MYO1G: variants seen among roughly 807,000 people sequenced by gnomAD.
MYO1G encodes the protein myosin IG, also known as unconventional myosin-Ig.
In MYO1G, 65 loss-of-function variants were observed where a neutral mutation model predicts 115.3. The observed-to-expected ratio is 0.56, with a 90% CI of 0.46 to 0.69. The LOEUF (loss-of-function observed/expected upper bound fraction) is 0.69. MYO1G is among the 30% of genes least tolerant of loss of function. The pLI is 0.00. For synonymous variants in MYO1G, 510 were observed against 552.6 expected (o/e 0.92, Z 1.08); for missense variants, 1,204 against 1,393.5 (o/e 0.86, Z 2.16).
intron 7 of MYO1G, 95 bp downstream of exon 7, chr7:44,971,578 C>T: frequency 1.2e-6 from 1 of 855,728 alleles, no homozygotes; most frequent in Admixed American, 2.3e-5. Flanking sequence ...ATTGCTGGGG[C>T]ATCTCCAGCC....
At position 44,969,070 on chromosome 7, in the gene MYO1G, C is replaced by A. The variant is rs1328066473; in HGVS notation, c.1574+343G>T. ...GCTTGTTAGAAATGCAGAATCTTGG[C>A]CCCCCTGCACCTTCCACTCCCTCCC... On this transcript the variant is annotated intron_variant, in intron 12 of 21. Coordinates refer to ENST00000258787, the MANE Select transcript of MYO1G (RefSeq NM_033054.3). This position sits in a 1 kb window ranked among gnomAD's most constrained non-coding sequence, Gnocchi z 5.0. 2 of 244,610 alleles carry A rather than the reference C, an allele frequency of 8.2e-6. No homozygotes were observed. The highest frequency in any genetic ancestry group is 1.6e-5 in the Non-Finnish European group (2 of 122,130). The allele number at this position is 244,610 out of a possible 1,614,324, so 15.2% of individuals were successfully genotyped here.
In MYO1G at chr7:44,969,427, A is replaced by G; in HGVS notation, c.1560T>C (p.Tyr520=). ...GGGGCCCTTACGTGACGTCCCCTGC[A>G]TAGTGCTTGATCCGGAAGTCTCGGC... The part of the protein sequence containing the change: ...EFGRDFRIKH[Y]AGDVTYSVEG... Residue 520 remains tyrosine (Y), a synonymous_variant, in exon 12 of 22, where the codon TAT becomes TAC. Transcript: ENST00000258787. This position sits in a 1 kb window ranked among gnomAD's most constrained non-coding sequence, Gnocchi z 5.0. 1 of 1,613,874 alleles carries G rather than the reference A, an allele frequency of 6.2e-7. No homozygotes were observed.
rs1562830208 is a variant in MYO1G, at chr7:44,969,773, T to C, written c.1435A>G (p.Thr479Ala). ...AGGGTCTGCAGGAAGATTCGGTCAGTGATGGTGCCAGCAGAGCTGCAGGCC... is the reference window on the plus strand; with the variant it reads ...AGGGTCTGCAGGAAGATTCGGTCAGCGATGGTGCCAGCAGAGCTGCAGGCC... ...DEACSSAGTITDRIFLQTLDM... is the reference protein window; with the variant it reads ...DEACSSAGTIADRIFLQTLDM... Residue 479 changes from threonine to alanine, a missense_variant, in exon 11 of 22, where the codon ACT becomes GCT. By Grantham distance (58) the Thr-to-Ala change is moderately conservative. Transcript: ENST00000258787. The surrounding 1 kb of genome is among the most constrained non-coding windows in gnomAD (Gnocchi z 5.0). 1 of 1,612,774 alleles carries C rather than the reference T, an allele frequency of 6.2e-7. No homozygotes were observed. The highest frequency in any genetic ancestry group is 8.5e-7 in the Non-Finnish European group (1 of 1,179,902).
chr7:44,966,258 T>G lies in MYO1G; in HGVS notation c.1972A>C (p.Thr658Pro). The part of the protein sequence containing the change: ...LLRYKMTCEY[T>P]WPNHLLGSDK... Reference sequence around the variant, plus strand: ...GAGCCCAGCAGGTGGTTGGGCCATGTGTATTCACAGGTCATCTTGTACCTG... The same window carrying G: ...GAGCCCAGCAGGTGGTTGGGCCATGGGTATTCACAGGTCATCTTGTACCTG... The change falls in exon 16 of 22, where the codon ACA becomes CCA. Residue 658 changes from threonine (T) to proline (P), a missense_variant. Thr to Pro is a conservative substitution (Grantham distance 38). Transcript: ENST00000258787. This position sits in a 1 kb window ranked among gnomAD's most constrained non-coding sequence, Gnocchi z 5.0. 6.2e-7 allele frequency: 1 copy of G among 1,609,806 alleles called. No homozygotes were observed. Among genetic ancestry groups the G allele is most frequent in the East Asian group, 2.2e-5 (1 of 44,780 alleles).
Position 44,965,649 on chromosome 7 carries a change from G to A in MYO1G, c.2369C>T (p.Ala790Val), listed in dbSNP as rs375304069. ...CTGAGAGTAGTACCTGCAGAAGAGT[G>A]CGTGGCAGGTGTCCTGGAAGGGCTG... ...VLQPFQDTCHALFCRWRARQL... is the reference protein window; with the variant it reads ...VLQPFQDTCHVLFCRWRARQL... The change falls in exon 17 of 22, where the codon GCA becomes GTA. Residue 790 changes from alanine (A) to valine (V), a missense_variant. Coordinates refer to ENST00000258787, the MANE Select transcript of MYO1G (RefSeq NM_033054.3). 1.2e-5 allele frequency: 20 copies of A among 1,613,288 alleles called. No homozygotes were observed. Among genetic ancestry groups the A allele is most frequent in the East Asian group, 2.2e-5 (1 of 44,884 alleles).
Position 44,963,326 on chromosome 7 carries a change from A to G in MYO1G, c.2746-202T>C, listed in dbSNP as rs1224458668. The G allele has an allele frequency of 7.1e-6, 4 of 566,362 alleles. No homozygotes were observed. The South Asian group carries it at 9.5e-5, about 14-fold the overall frequency. 35.1% of individuals were successfully genotyped at this position (566,362 alleles called of 1,614,324 possible). A position where few individuals can be genotyped will look rare whatever the true frequency, so the allele number is the denominator to read the frequency against. ...GGGGGAAGCTTGGGCGGGACGCTGC[A>G]CAATACGATTTTCTCCAGGACTGAT... On this transcript the variant is annotated intron_variant, in intron 20 of 21. Transcript: ENST00000258787. This position sits in a 1 kb window ranked among gnomAD's most constrained non-coding sequence, Gnocchi z 4.1.
At position 44,962,783 on chromosome 7, in the gene MYO1G, G is replaced by T; in HGVS notation, c.3013C>A (p.Arg1005Ser). The T allele has an allele frequency of 6.7e-7, 1 of 1,503,364 alleles. No homozygotes were observed. 93.1% of individuals were successfully genotyped at this position (1,503,364 alleles called of 1,614,324 possible). A position where few individuals can be genotyped will look rare whatever the true frequency, so the allele number is the denominator to read the frequency against. Residue 1005 changes from arginine (R) to serine (S), a missense_variant, in exon 22 of 22, where the codon CGC (arginine) becomes AGC (serine). Transcript: ENST00000258787. This position sits in a 1 kb window ranked among gnomAD's most constrained non-coding sequence, Gnocchi z 5.3. ...PRPEQPEPDF[R>S]CARGSFTLLW... ...AGGGTGAAGGAGCCGCGAGCGCAGC[G>T]GAAATCGGGCTCTGGCTGCTCCGGC...
Position 44,971,063 on chromosome 7 carries a change from G to A in MYO1G, c.847-4C>T, listed in dbSNP as rs749124117. The stretch of plus-strand genomic sequence containing the variant: ...TCTCCACAAACTCGATGTTTCCCTG[G>A]TGATGGGAAAACCATGAACAGTCCG... On this transcript the variant is annotated splice_polypyrimidine_tract_variant and splice_region_variant and intron_variant, in intron 7 of 21. Transcript: ENST00000258787. 4 of 1,606,960 alleles carry A rather than the reference G, an allele frequency of 2.5e-6. No individual in the cohort carries two copies. The highest frequency in any genetic ancestry group is 1.7e-4 in the Middle Eastern group (1 of 6,056).
rs368611408 is a variant in MYO1G at position 44,973,450 on chromosome 7, G to A, written c.619-1225C>T. The stretch of plus-strand genomic sequence containing the variant: ...CACCTGAGTGGGCAGCCCAGAGTCC[G>A]TGGAGACACTGCTTCACATGTCCCA... On this transcript the variant is annotated intron_variant, in intron 5 of 21. Coordinates refer to ENST00000258787, the MANE Select transcript of MYO1G (RefSeq NM_033054.3). 9.9e-5 allele frequency: 15 copies of A among 152,216 alleles called. No homozygotes were observed. The East Asian group carries it at 2.1e-3, about 22-fold the overall frequency. The allele number at this position is 152,216 out of a possible 1,614,324, so 9.4% of individuals were successfully genotyped here.
chr7:44,964,999 C>T lies in MYO1G; in HGVS notation c.2472G>A (p.Gly824=), dbSNP rs1250310479. 3 of 1,610,446 alleles carry T rather than the reference C, an allele frequency of 1.9e-6. No individual in the cohort carries two copies. Among genetic ancestry groups the T allele is most frequent in the African/African-American group, 1.3e-5 (1 of 75,020 alleles). The change falls in exon 18 of 22, where the codon GGG becomes GGA. Residue 824 remains glycine (G), a synonymous_variant. Transcript: ENST00000258787. The surrounding 1 kb of genome is among the most constrained non-coding windows in gnomAD (Gnocchi z 5.1). ...GTCGGCAGCCCCAGTCCTGACGAAG[C>T]CCTTGCAGGGCCCCCATGGCGGCCA... ...AKVAAMGALQ[G]LRQDWGCRRA... is the part of the protein sequence containing the mutation.
chr7:44,964,190 T>G lies in MYO1G; in HGVS notation c.2632-28A>C. Reference sequence around the variant, plus strand: ...GTGGGAGAGGTGGCTGGACCCAGGCTGGTGCTGCCCTGTCACCCACCAGGG... The same window carrying G: ...GTGGGAGAGGTGGCTGGACCCAGGCGGGTGCTGCCCTGTCACCCACCAGGG... On this transcript the variant is annotated intron_variant, in intron 19 of 21. Coordinates refer to ENST00000258787, the MANE Select transcript of MYO1G (RefSeq NM_033054.3). This position sits in a 1 kb window ranked among gnomAD's most constrained non-coding sequence, Gnocchi z 5.1. The G allele has an allele frequency of 6.4e-7, 1 of 1,552,086 alleles. No individual in the cohort carries two copies. Among genetic ancestry groups the G allele is most frequent in the Non-Finnish European group, 8.8e-7 (1 of 1,142,308 alleles).
chr7:44,963,155 G>A lies in MYO1G; in HGVS notation c.2746-31C>T, dbSNP rs945512971. 3 of 1,403,380 alleles carry A rather than the reference G, an allele frequency of 2.1e-6. No individual in the cohort carries two copies. Among genetic ancestry groups the A allele is most frequent in the Non-Finnish European group, 2.8e-6 (3 of 1,082,806 alleles). The allele number at this position is 1,403,380 out of a possible 1,614,324, so 86.9% of individuals were successfully genotyped here. A position where few individuals can be genotyped will look rare whatever the true frequency, so the allele number is the denominator to read the frequency against. On this transcript the variant is annotated intron_variant, in intron 20 of 21. Transcript: ENST00000258787. This position sits in a 1 kb window ranked among gnomAD's most constrained non-coding sequence, Gnocchi z 4.1. ...CGGAGCGCGGGGTCAGAGTGCAGCCGCCTCAACCCGCACCCCAGCCTAGCC... is the reference window on the plus strand; with the variant it reads ...CGGAGCGCGGGGTCAGAGTGCAGCCACCTCAACCCGCACCCCAGCCTAGCC...
chr7:44,966,186 C>T lies in MYO1G; in HGVS notation c.2044G>A (p.Gly682Arg). The T allele has an allele frequency of 6.2e-7, 1 of 1,612,920 alleles. No homozygotes were observed. Among genetic ancestry groups the T allele is most frequent in the Non-Finnish European group, 8.5e-7 (1 of 1,179,904 alleles). ...SALLEQHGLQ[G>R]DVAFGHSKLF... ...TTGCTGTGGCCAAAGGCCACGTCCC[C>T]CTGCAGCCCGTGCTGCTCCAGGAGA... Residue 682 changes from glycine (G) to arginine (R), a missense_variant, in exon 16 of 22, where the codon GGG (glycine) becomes AGG (arginine). Gly to Arg is a moderately radical substitution (Grantham distance 125). Transcript: ENST00000258787. This position sits in a 1 kb window ranked among gnomAD's most constrained non-coding sequence, Gnocchi z 5.0.
chr7:44,966,726 C>G lies in MYO1G; in HGVS notation c.1895G>C (p.Arg632Thr), dbSNP rs1385843364. The G allele has an allele frequency of 6.2e-7, 1 of 1,613,276 alleles. No individual in the cohort carries two copies. Among genetic ancestry groups the G allele is most frequent in the Non-Finnish European group, 8.5e-7 (1 of 1,180,012 alleles). ...VAYLGLLENV[R>T]VRRAGFASRQ... ...GGAAGCGAAGCCAGCCCTGCGGACC[C>G]TCACATTCTCCAGCAGCCCCAGGTA... Residue 632 changes from arginine (R) to threonine (T), a missense_variant, in exon 15 of 22, where the codon AGG becomes ACG. By Grantham distance (71) the Arg-to-Thr change is moderately conservative. Transcript: ENST00000258787. This position sits in a 1 kb window ranked among gnomAD's most constrained non-coding sequence, Gnocchi z 5.0.
rs749646679 is a variant in MYO1G at position 44,963,052 on chromosome 7, C to A, written c.2818G>T (p.Val940Leu). The change falls in exon 21 of 22, where the codon GTG becomes TTG. Residue 940 changes from valine (V) to leucine (L), a missense_variant. Val to Leu is a conservative substitution (Grantham distance 32, BLOSUM62 1). Coordinates refer to ENST00000258787, the MANE Select transcript of MYO1G (RefSeq NM_033054.3). This position sits in a 1 kb window ranked among gnomAD's most constrained non-coding sequence, Gnocchi z 4.1. ...GGCCGGGAGCGGTGCAGGCACACCA[C>A]GAGGTCGTCCTGGCCGCGGGCGTGC... ...VLHARGQDDLVVCLHRSRPPL... is the reference protein window; with the variant it reads ...VLHARGQDDLLVCLHRSRPPL... 2.0e-6 allele frequency: 3 copies of A among 1,525,152 alleles called. No homozygotes were observed. Among genetic ancestry groups the A allele is most frequent in the Non-Finnish European group, 2.6e-6 (3 of 1,141,444 alleles). 94.5% of individuals were successfully genotyped at this position (1,525,152 alleles called of 1,614,324 possible). A position where few individuals can be genotyped will look rare whatever the true frequency, so the allele number is the denominator to read the frequency against.
At chr7:44,978,795 T>G in intron 1 of MYO1G, 72 bp downstream of exon 1, 3 of 1,439,418 alleles carry the variant, frequency 2.1e-6, no homozygotes, top group Non-Finnish European at 2.9e-6. Flanking sequence ...CCTCTTTCCC[T>G]CAGGTCTCTG....
chr7:44,970,092 A>ACCACAG lies in MYO1G; in HGVS notation c.1279_1280insCTGTGG (p.Ile427delinsThrValVal). 1 of 1,614,054 alleles carries ACCACAG rather than the reference A, an allele frequency of 6.2e-7. No individual in the cohort carries two copies. On this transcript the variant is annotated protein_altering_variant, in exon 10 of 22. Transcript: ENST00000258787. ...GTACTCTTCCTGTTCCTGCTTCAGG[A>ACCACAG]TGAGCTGGATGAATAGCTGCTGCAG...
In MYO1G at chr7:44,971,656, T is replaced by G; in HGVS notation, c.846+17A>C. On this transcript the variant is annotated intron_variant, in intron 7 of 21. Transcript: ENST00000258787. Reference sequence around the variant, plus strand: ...TTGTGGGGAAGTAGCCCTCCCAGGCTTCTGAGCCAGGCTCACCAGGTGCAA... The same window carrying G: ...TTGTGGGGAAGTAGCCCTCCCAGGCGTCTGAGCCAGGCTCACCAGGTGCAA... The G allele has an allele frequency of 6.5e-7, 1 of 1,545,392 alleles. No individual in the cohort carries two copies. The highest frequency in any genetic ancestry group is 8.8e-7 in the Non-Finnish European group (1 of 1,140,208).
chr7:44,967,857 C>T lies in MYO1G; in HGVS notation c.1649+27G>A, dbSNP rs1269342217. 3 of 1,613,506 alleles carry T rather than the reference C, an allele frequency of 1.9e-6. No homozygotes were observed. The Admixed American group carries it at 5.0e-5, about 27-fold the overall frequency. ...TGGGGCCCCAGGGCCCTGGCCCTCC[C>T]TATGGTGCCCAGCAAGCCGTGCTCA... is the stretch of plus-strand genomic sequence containing the variant. On this transcript the variant is annotated intron_variant, in intron 13 of 21. Transcript: ENST00000258787.
Sources: allele counts gnomAD v4.1 joint callset, GRCh38; gene constraint gnomAD v4.1.1; non-coding constraint Gnocchi (gnomAD v3.1); transcripts MANE v1.5; gene names NCBI Gene and HGNC (gene_info 2026-07-23, HGNC 2026-07-21).